The following SLC12A7 variants were observed in gnomAD, a reference collection of about 807,000 sequenced individuals.
The protein encoded by SLC12A7 is K-Cl cotransporter 4.
In SLC12A7, 100 loss-of-function variants were observed where a neutral mutation model predicts 120.6. The observed-to-expected ratio is 0.83, with a 90% CI of 0.71 to 0.98. SLC12A7 has a LOEUF of 0.98. Ranked by LOEUF, SLC12A7 falls within the 50% of genes least tolerant of loss-of-function variation. The pLI, the probability that SLC12A7 is intolerant of heterozygous loss-of-function variation, is 0.00. For synonymous variants in SLC12A7, 760 were observed against 678.0 expected, an observed-to-expected ratio of 1.12 and a Z score of -1.88; for missense variants, 1,373 against 1,548.1, an observed-to-expected ratio of 0.89 and a Z score of 1.90.
At chr5:1,115,120 A>G (rs2150918652), upstream of SLC12A7, among the ~76,000 whole-genome samples, 2 of 152,328 alleles carry the variant, frequency 1.3e-5, no homozygotes, top group South Asian at 4.1e-4. Flanking sequence ...AGCTTTGCCC[A>G]GGGGGCCTCT....
chr5:1,100,010 T>C (rs1741857376), intron 1 of SLC12A7, among the ~76,000 whole-genome samples: 1 of 152,212 alleles, frequency 6.6e-6, no homozygotes, highest in African/African-American at 2.4e-5. Flanking sequence ...AGGAGGCTAC[T>C]TCAGCCAGTA....
At chr5:1,094,607 G>A (rs748581454) in intron 1 of SLC12A7, among the ~76,000 whole-genome samples, 43 of 152,190 alleles carry the variant, frequency 2.8e-4, no homozygotes, top group Non-Finnish European at 5.1e-4. Flanking sequence ...TGAAAGCCTC[G>A]GCAAGTGAGC....
rs1254228035 is a variant in SLC12A7 at position 1,069,139 on chromosome 5, G to A, written c.2242-3661C>T. On this transcript the variant is annotated intron_variant, in intron 17 of 23. Transcript: ENST00000264930. ...TGACGCCGCCGTCAGGGAAAGGGAA[G>A]GCCCAGAGCATCTCCTGTCTTCCCT... Among the ~76,000 whole-genome samples, 4 of 152,266 alleles carry A rather than the reference G, an allele frequency of 2.6e-5. No individual in the cohort carries two copies. The East Asian group carries it at 7.7e-4, about 29-fold the overall frequency.
chr5:1,053,017 C>T (rs1459357338), intron 23 of SLC12A7, among the ~76,000 whole-genome samples: 1 of 152,240 alleles, frequency 6.6e-6, no homozygotes, highest in Non-Finnish European at 1.5e-5. Flanking sequence ...GGGGCTGAGC[C>T]CCAGCGGAGG....
At chr5:1,139,089 A>C in the SLC12A7 span, among the ~76,000 whole-genome samples, 1 of 152,084 alleles carries the variant, frequency 6.6e-6, no homozygotes, top group African/African-American at 2.4e-5. Flanking sequence ...TCTGGGCGGC[A>C]GCAGGTGCAC....
chr5:1,053,542 GGCTGA>G (rs1446568969), intron 22 of SLC12A7, 60 bp from the exon 23 acceptor site: 2 of 1,587,790 alleles, frequency 1.3e-6, no homozygotes, highest in African/African-American at 2.7e-5. Flanking sequence ...CCGGACACGA[GGCTGA>G]GCTGAGCCCT....
chr5:1,129,931 G>A, the SLC12A7 span, among the ~76,000 whole-genome samples: 1 of 152,144 alleles, frequency 6.6e-6, no homozygotes, highest in Admixed American at 6.5e-5. Context: ...TGACTCCCAG[G>A]TGAGGAGCCA....
chr5:1,057,672 A>G, intron 21 of SLC12A7, 23 bp from the exon 22 acceptor site: 1 of 1,577,472 alleles, frequency 6.3e-7, no homozygotes, highest in Non-Finnish European at 8.5e-7. Flanking sequence ...GGACTTGGTG[A>G]GACCAGCCGG....
At chr5:1,078,148 G>T (rs116912995) in intron 11 of SLC12A7, 141 bp from the exon 12 acceptor site, 4 of 1,056,516 alleles carry the variant, frequency 3.8e-6, no homozygotes, top group Non-Finnish European at 5.3e-6. Context: ...TCCAGTCCCC[G>T]TTGGCTGAAA....
chr5:1,136,221 GA>G, the SLC12A7 span, among the ~76,000 whole-genome samples: 1 of 152,098 alleles, frequency 6.6e-6, no homozygotes, highest in African/African-American at 2.4e-5. Flanking sequence ...GCAATAGAGG[GA>G]AACACTCCAC....
chr5:1,112,141 C>T (rs1445482099), upstream of SLC12A7: 1 of 975,550 alleles, frequency 1.0e-6, no homozygotes, highest in Admixed American at 4.5e-5. Context: ...CCCCGCGGCC[C>T]CACGAAAAGT....
chr5:1,136,838 C>T, the SLC12A7 span, among the ~76,000 whole-genome samples: 1 of 137,342 alleles, frequency 7.3e-6, no homozygotes, highest in Non-Finnish European at 1.5e-5. Flanking sequence ...CACGCAGGCA[C>T]ACATATGCTC....
intron 1 of SLC12A7, among the ~76,000 whole-genome samples, chr5:1,106,007 C>T (rs553411710): frequency 3.3e-5 from 5 of 152,336 alleles, no homozygotes; most frequent in East Asian, 3.9e-4. Context: ...ACCACACGGC[C>T]GTCACAAAAT....
At chr5:1,094,761 G>T (rs1740917483) in intron 1 of SLC12A7, among the ~76,000 whole-genome samples, 1 of 152,194 alleles carries the variant, frequency 6.6e-6, no homozygotes. Flanking sequence ...GGACACAGAG[G>T]ACTTCCCACT....
Position 1,111,826 on chromosome 5 carries a change from G to C in SLC12A7, c.124+42C>G, listed in dbSNP as rs1404446092. 15 of 1,196,054 alleles carry C rather than the reference G, an allele frequency of 1.3e-5. No homozygotes were observed. The East Asian group carries it at 3.2e-4, about 25-fold the overall frequency. 74.1% of individuals were successfully genotyped at this position (1,196,054 alleles called of 1,614,324 possible). A position where few individuals can be genotyped will look rare whatever the true frequency, so the allele number is the denominator to read the frequency against. Reference sequence around the variant, plus strand: ...GGATGCCGGGCCCAGACCCGCGCTCGGGGCGCTCGGCCTTTGTCCGGCCAG... The same window carrying C: ...GGATGCCGGGCCCAGACCCGCGCTCCGGGCGCTCGGCCTTTGTCCGGCCAG... On this transcript the variant is annotated intron_variant, in intron 1 of 23. Transcript: ENST00000264930.
intron 14 of SLC12A7, 112 bp from the exon 15 acceptor site, chr5:1,075,602 G>A (rs992021849): frequency 7.7e-6 from 11 of 1,426,042 alleles, no homozygotes; most frequent in Non-Finnish European, 1.0e-5. Flanking sequence ...GTTAACACTA[G>A]GAAAACAGTC....
At chr5:1,125,275 G>A in the SLC12A7 span, among the ~76,000 whole-genome samples, 3 of 121,958 alleles carry the variant, frequency 2.5e-5, no homozygotes, top group Non-Finnish European at 4.7e-5. Flanking sequence ...GAAAGTGTGT[G>A]TGTGTGTGTG....
intron 17 of SLC12A7, among the ~76,000 whole-genome samples, chr5:1,066,362 G>A (rs1737053330): frequency 6.6e-6 from 1 of 152,198 alleles, no homozygotes; most frequent in Admixed American, 6.5e-5. Flanking sequence ...TAGAGGATGA[G>A]ATTTGGGAGC....
chr5:1,097,046 G>A (rs546258170), intron 1 of SLC12A7, among the ~76,000 whole-genome samples: 6 of 152,274 alleles, frequency 3.9e-5, no homozygotes, highest in Admixed American at 1.3e-4. Flanking sequence ...GGAAGGGTGC[G>A]TGGCTCCGGA....
Sources: gnomAD v4.1 joint callset for allele counts (sites outside exome capture counted in the v4.1 genomes callset) on GRCh38, gnomAD v4.1.1 for gene constraint, MANE v1.5 for transcripts, NCBI Gene and HGNC (gene_info 2026-07-23, HGNC 2026-07-21) for gene names.